The following ATP10B variants were observed in gnomAD, a reference collection of about 807,000 sequenced individuals.
ATP10B encodes phospholipid-transporting ATPase VB.
In ATP10B, 122 loss-of-function variants were observed where a neutral mutation model predicts 141.2. The observed-to-expected ratio is 0.86, with a 90% CI of 0.75 to 1.00. The LOEUF is 1.00. Among genes scored for constraint, ATP10B ranks in the 50% least tolerant of loss-of-function variants. The pLI, the probability that ATP10B is intolerant of heterozygous loss-of-function variation, is 0.00. For missense variants in ATP10B, 1,876 were observed against 1,825.3 expected, an observed-to-expected ratio of 1.03 and a Z score of -0.51; for synonymous variants, 685 against 692.0, an observed-to-expected ratio of 0.99 and a Z score of 0.16.
the ATP10B span, among the ~76,000 whole-genome samples, chr5:160,871,833 T>G: frequency 6.6e-6 from 1 of 152,178 alleles, no homozygotes; most frequent in Non-Finnish European, 1.5e-5. Context: ...TAAATGTGTG[T>G]GCGTTTTTTT....
chr5:160,577,852 C>G (rs1352984995), intron 24 of ATP10B, among the ~76,000 whole-genome samples: 2 of 151,356 alleles, frequency 1.3e-5, no homozygotes, highest in South Asian at 2.1e-4. Context: ...TCTCTGGTAA[C>G]TGGTTTGTGT....
chr5:160,771,004 GCT>G (rs1230193384), intron 2 of ATP10B, among the ~76,000 whole-genome samples: 5 of 152,246 alleles, frequency 3.3e-5, no homozygotes, highest in Non-Finnish European at 7.4e-5. Flanking sequence ...AGTGACTGAG[GCT>G]CTGAGTGGTG....
At chr5:160,860,257 A>T in the ATP10B span, among the ~76,000 whole-genome samples, 2 of 151,976 alleles carry the variant, frequency 1.3e-5, no homozygotes, top group South Asian at 2.1e-4. Flanking sequence ...TGTATAAAGT[A>T]GTAGAAAATA....
intron 2 of ATP10B, among the ~76,000 whole-genome samples, chr5:160,763,442 C>A (rs11952862): frequency 0.59 from 90,352 of 151,912 alleles, 27,482 homozygotes; most frequent in African/African-American, 0.71. Context: ...TGGAAATTAA[C>A]AATCTGCTCC....
intron 3 of ATP10B, among the ~76,000 whole-genome samples, chr5:160,703,647 T>G (rs1367245453): frequency 6.6e-6 from 1 of 152,082 alleles, no homozygotes; most frequent in East Asian, 1.9e-4. Flanking sequence ...GAATTTTTAG[T>G]AAAAATGAGG....
chr5:160,640,597 G>C lies in ATP10B; in HGVS notation c.869-5C>G. 1 of 1,613,850 alleles carries C rather than the reference G, an allele frequency of 6.2e-7. No individual in the cohort carries two copies. Among genetic ancestry groups the C allele is most frequent in the Non-Finnish European group, 8.5e-7 (1 of 1,179,814 alleles). On this transcript the variant is annotated splice_polypyrimidine_tract_variant and splice_region_variant and intron_variant, in intron 9 of 25. Coordinates refer to ENST00000327245, the MANE Select transcript of ATP10B (RefSeq NM_025153.3). ...GCATGGCTTTCGTCTCATGGCCTTT[G>C]AGAGAAAATGAGGAAATCAGTCCCT...
the ATP10B span, among the ~76,000 whole-genome samples, chr5:160,898,898 G>A: frequency 7.0e-6 from 1 of 142,932 alleles, no homozygotes; most frequent in Non-Finnish European, 1.5e-5. Flanking sequence ...CACAGGAACA[G>A]AAAACCAAAC....
At chr5:160,856,313 T>C (rs1753998245), upstream of ATP10B, among the ~76,000 whole-genome samples, 1 of 151,872 alleles carries the variant, frequency 6.6e-6, no homozygotes, top group South Asian at 2.1e-4. Context: ...ACATATGTTC[T>C]GGCTGGTATA....
In ATP10B at chr5:160,632,112, C is replaced by T. The variant is rs145560805; in HGVS notation, c.1620+17G>A. The T allele has an allele frequency of 7.5e-4, 1,193 of 1,598,092 alleles. 12 individuals are homozygous for T. In the African/African-American group the frequency reaches 0.013, roughly 18 times the overall value. On this transcript the variant is annotated intron_variant, in intron 13 of 25. Transcript: ENST00000327245. ...CCACAGAACACTTACAGTTCAAAGG[C>T]AAAAGTCAGGACTTACTATGGAGCT... is the stretch of plus-strand genomic sequence containing the variant.
chr5:160,583,335 C>T (rs1056350830), intron 24 of ATP10B, among the ~76,000 whole-genome samples: 2 of 152,098 alleles, frequency 1.3e-5, no homozygotes, highest in South Asian at 2.1e-4. Flanking sequence ...AACAGTCAGG[C>T]CTGTCTGCTG....
Position 160,617,985 on chromosome 5 carries a change from C to A in ATP10B, c.2417-12G>T. 1 of 1,606,272 alleles carries A rather than the reference C, an allele frequency of 6.2e-7. No homozygotes were observed. The highest frequency in any genetic ancestry group is 8.5e-7 in the Non-Finnish European group (1 of 1,172,902). ...ATTAATGTCAGGTACTGTCAAATAG[C>A]CATTTTCCCGCATGAGGCCACATAC... On this transcript the variant is annotated splice_polypyrimidine_tract_variant and intron_variant, in intron 15 of 25. Coordinates refer to ENST00000327245, the MANE Select transcript of ATP10B (RefSeq NM_025153.3).
At chr5:160,823,707 G>A (rs1483970423) in intron 1 of ATP10B, among the ~76,000 whole-genome samples, 4 of 152,140 alleles carry the variant, frequency 2.6e-5, no homozygotes, top group East Asian at 2.0e-4. Flanking sequence ...GGTGGCAGCC[G>A]CCTGTAGTCC....
At chr5:160,872,350 T>C in the ATP10B span, among the ~76,000 whole-genome samples, 1 of 152,240 alleles carries the variant, frequency 6.6e-6, no homozygotes, top group South Asian at 2.1e-4. Flanking sequence ...TGCTGACTGT[T>C]CCTTTTGCCA....
intron 2 of ATP10B, among the ~76,000 whole-genome samples, chr5:160,752,032 A>T (rs968309993): frequency 2.0e-5 from 3 of 152,152 alleles, no homozygotes; most frequent in Non-Finnish European, 4.4e-5. Context: ...GGCTGCTCAT[A>T]GGCATTTTTG....
intron 3 of ATP10B, among the ~76,000 whole-genome samples, chr5:160,702,073 A>G (rs982808073): frequency 6.6e-6 from 1 of 152,072 alleles, no homozygotes; most frequent in African/African-American, 2.4e-5. Context: ...CCTCTACCCT[A>G]TTGCCTTGTG....
In ATP10B at chr5:160,632,297, G is replaced by T; in HGVS notation, c.1452C>A (p.Ser484=). 3 of 1,614,202 alleles carry T rather than the reference G, an allele frequency of 1.9e-6. No individual in the cohort carries two copies. The highest frequency in any genetic ancestry group is 1.7e-6 in the Non-Finnish European group (2 of 1,180,024). ...GATCCTGGGCCCATCTAGCCGAGAA[G>T]GACAGGCATTGGTATTGGGTCCACT... ...GEEWTQYQCL[S]FSARWAQDPA... is the part of the protein sequence containing the mutation. Residue 484 remains serine, a synonymous_variant, in exon 13 of 26, where the codon TCC becomes TCA. Transcript: ENST00000327245.
At chr5:160,841,309 T>C (rs908993775) in intron 1 of ATP10B, among the ~76,000 whole-genome samples, 2 of 151,840 alleles carry the variant, frequency 1.3e-5, no homozygotes, top group Admixed American at 6.6e-5. Context: ...AAAAAGCAAA[T>C]TGCAAAGAAG....
At chr5:160,764,691 G>A (rs190577297) in intron 2 of ATP10B, among the ~76,000 whole-genome samples, 13 of 152,144 alleles carry the variant, frequency 8.5e-5, no homozygotes, top group East Asian at 3.9e-4. Context: ...TCTATTCAGC[G>A]TAGTACTGGA....
intron 1 of ATP10B, among the ~76,000 whole-genome samples, chr5:160,788,653 G>A (rs969031281): frequency 2.0e-5 from 3 of 152,114 alleles, no homozygotes; most frequent in African/African-American, 4.8e-5. Context: ...GCCCTGAAAG[G>A]AGAATGATTC....
Sources: allele counts gnomAD v4.1 joint callset (sites outside exome capture counted in the v4.1 genomes callset), GRCh38; gene constraint gnomAD v4.1.1; transcripts MANE v1.5; gene names NCBI Gene and HGNC (gene_info 2026-07-23, HGNC 2026-07-21).